Variants in CSMD1 observed in about 807,000 individuals in gnomAD.
The protein encoded by CSMD1 is CUB and sushi domain-containing protein 1.
Under a neutral mutation model 417.5 loss-of-function variants are expected in CSMD1, and 213 were observed. The observed-to-expected ratio is 0.51, with a 90% CI of 0.46 to 0.57. The LOEUF is 0.57. Ranked by LOEUF, CSMD1 falls within the 20% of genes least tolerant of loss-of-function variation. CSMD1 has a pLI of 0.00. For missense variants in CSMD1, 6,923 were observed against 4,529.7 expected (o/e 1.53, Z -15.17); for synonymous variants, 2,862 against 1,736.8 (o/e 1.65, Z -16.11).
intron 3 of CSMD1, among the ~76,000 whole-genome samples, chr8:4,414,946 G>A (rs1214742496): frequency 1.3e-5 from 2 of 152,036 alleles, no homozygotes; most frequent in Admixed American, 6.6e-5. Flanking sequence ...TCTTCTCCCT[G>A]CATTTATTTT....
intron 3 of CSMD1, among the ~76,000 whole-genome samples, chr8:4,303,248 C>T (rs1798074299): frequency 6.6e-6 from 1 of 152,076 alleles, no homozygotes; most frequent in Non-Finnish European, 1.5e-5. Flanking sequence ...GTATTCTCTA[C>T]TCTCATGAAA....
At chr8:4,263,840 A>C (rs920876833) in intron 3 of CSMD1, among the ~76,000 whole-genome samples, 1 of 152,158 alleles carries the variant, frequency 6.6e-6, no homozygotes. Context: ...TTTTGATAGC[A>C]CTCAAAAACA....
At chr8:3,411,680 ACGTG>A (rs1812711524) in intron 12 of CSMD1, among the ~76,000 whole-genome samples, 1 of 70,700 alleles carries the variant, frequency 1.4e-5, no homozygotes, top group East Asian at 2.7e-4. Flanking sequence ...GTGTATATAT[ACGTG>A]TATATATACA....
At chr8:4,213,237 G>C (rs1415853966) in intron 3 of CSMD1, among the ~76,000 whole-genome samples, 3 of 152,114 alleles carry the variant, frequency 2.0e-5, no homozygotes, top group Admixed American at 1.3e-4. Flanking sequence ...GAACCAGCTG[G>C]GTGGCTCCAT....
At chr8:4,711,982 G>C (rs1485413962) in intron 1 of CSMD1, among the ~76,000 whole-genome samples, 4 of 152,162 alleles carry the variant, frequency 2.6e-5, no homozygotes, top group Non-Finnish European at 5.9e-5. Flanking sequence ...ACTCAAGTCA[G>C]TGATTTGAAA....
chr8:4,869,259 A>G (rs891328787), intron 1 of CSMD1, among the ~76,000 whole-genome samples: 9 of 152,036 alleles, frequency 5.9e-5, no homozygotes, highest in Non-Finnish European at 8.8e-5. Flanking sequence ...CGTATATATT[A>G]TCATTTAACA....
At chr8:4,687,432 C>G (rs940342317) in intron 1 of CSMD1, among the ~76,000 whole-genome samples, 1 of 152,182 alleles carries the variant, frequency 6.6e-6, no homozygotes, top group African/African-American at 2.4e-5. Context: ...GAAAAACTTT[C>G]AATGTTGATA....
chr8:3,093,975 GA>G (rs1474816672), intron 47 of CSMD1, among the ~76,000 whole-genome samples: 3 of 152,098 alleles, frequency 2.0e-5, no homozygotes, highest in Non-Finnish European at 4.4e-5. Flanking sequence ...CGTTTAAAAG[GA>G]TAATGTATAT....
rs547946964 is a variant in CSMD1, at chr8:4,017,120, G to A, written c.610+14785C>T. ...CGGTGTTCAGCCAGCCTTGCTGGAC[G>A]CTCTCCATGCAATTGTACATATCTA... On this transcript the variant is annotated intron_variant, in intron 4 of 69. Coordinates refer to ENST00000635120, the MANE Select transcript of CSMD1 (RefSeq NM_033225.6). Among the ~76,000 whole-genome samples the A allele has an allele frequency of 8.3e-4, 127 of 152,280 alleles. 1 individual carries two copies. Among genetic ancestry groups the A allele is most frequent in the Admixed American group, 1.8e-3 (27 of 15,300 alleles).
At chr8:3,489,247 C>G (rs771340100) in intron 11 of CSMD1, among the ~76,000 whole-genome samples, 4 of 152,140 alleles carry the variant, frequency 2.6e-5, no homozygotes, top group African/African-American at 4.8e-5. Context: ...ATTAATCCAG[C>G]CCTAAGAAAG....
intron 5 of CSMD1, among the ~76,000 whole-genome samples, chr8:3,983,737 TA>T (rs1445069556): frequency 6.6e-6 from 1 of 152,224 alleles, no homozygotes; most frequent in Non-Finnish European, 1.5e-5. Flanking sequence ...GATGTTCCCC[TA>T]GTCTGGTAGC....
chr8:3,598,401 G>A (rs561495570), intron 8 of CSMD1: 2 of 152,156 alleles, frequency 1.3e-5, no homozygotes, highest in Non-Finnish European at 2.9e-5. Flanking sequence ...TCAGTCTCTA[G>A]GAGAGAAAGG....
chr8:3,400,348 T>C lies in CSMD1; in HGVS notation c.2267-819A>G, dbSNP rs144323064. Among the ~76,000 whole-genome samples the C allele has an allele frequency of 1.4e-3, 218 of 152,240 alleles. 1 individual carries two copies. Among genetic ancestry groups the C allele is most frequent in the African/African-American group, 5.0e-3 (207 of 41,560 alleles). On this transcript the variant is annotated intron_variant, in intron 15 of 69. Transcript: ENST00000635120. Reference sequence around the variant, plus strand: ...ATTTATAGATATCAAATAAAGTACGTGAAAATACTCCAAGGTGAAAAAATC... The same window carrying C: ...ATTTATAGATATCAAATAAAGTACGCGAAAATACTCCAAGGTGAAAAAATC...
At chr8:4,409,647 T>C (rs1211625582) in intron 3 of CSMD1, among the ~76,000 whole-genome samples, 32 of 56,032 alleles carry the variant, frequency 5.7e-4, no homozygotes, top group East Asian at 1.2e-3. Flanking sequence ...TTTTTCTTTT[T>C]TTTTTTTTTT....
chr8:4,498,700 G>C (rs1033611779), intron 2 of CSMD1, among the ~76,000 whole-genome samples: 3 of 152,152 alleles, frequency 2.0e-5, no homozygotes, highest in African/African-American at 7.2e-5. Context: ...TGTGGTTCCA[G>C]ACAGTTAGCT....
intron 3 of CSMD1, among the ~76,000 whole-genome samples, chr8:4,413,145 C>T (rs1006929509): frequency 2.0e-5 from 3 of 152,176 alleles, no homozygotes; most frequent in Admixed American, 6.5e-5. Flanking sequence ...TGGACAGTCT[C>T]ACAGTGGACC....
At chr8:4,886,277 G>A (rs1388208623) in intron 1 of CSMD1, among the ~76,000 whole-genome samples, 3 of 152,006 alleles carry the variant, frequency 2.0e-5, no homozygotes, top group Admixed American at 6.5e-5. Flanking sequence ...GATCCGTTTT[G>A]AGCTTCAACT....
At chr8:4,168,293 C>G (rs928597616) in intron 3 of CSMD1, among the ~76,000 whole-genome samples, 1 of 151,796 alleles carries the variant, frequency 6.6e-6, no homozygotes, top group Non-Finnish European at 1.5e-5. Flanking sequence ...ACACAGGAGG[C>G]TGAGGCAGAA....
In CSMD1 at chr8:4,902,443, AAAAG is replaced by A. The variant is rs543475336; in HGVS notation, c.85+91885_85+91888del. 4.8e-3 allele frequency among the ~76,000 whole-genome samples: 736 copies of A among 152,042 alleles called. 5 individuals are homozygous for A. The highest frequency in any genetic ancestry group is 0.017 in the African/African-American group (709 of 41,506). On this transcript the variant is annotated intron_variant, in intron 1 of 69. Coordinates refer to ENST00000635120, the MANE Select transcript of CSMD1 (RefSeq NM_033225.6). Reference sequence around the variant, plus strand: ...CCATCTCTAAAGAGGAGAAAAAAAAAAAAGAAAGGAAACTACTCTATAATCTTTT... The same window carrying A: ...CCATCTCTAAAGAGGAGAAAAAAAAAAAAGGAAACTACTCTATAATCTTTT...
Sources: allele counts gnomAD v4.1 joint callset (sites outside exome capture counted in the v4.1 genomes callset), GRCh38; gene constraint gnomAD v4.1.1; transcripts MANE v1.5; gene names NCBI Gene and HGNC (gene_info 2026-07-23, HGNC 2026-07-21).